PGCKA1: variants seen among roughly 807,000 people sequenced by gnomAD.
PGCKA1 encodes PDCD10 and GCKIII kinases-associated protein 1.
the PGCKA1 span, among the ~76,000 whole-genome samples, chr4:37,542,087 C>G: frequency 6.6e-6 from 1 of 152,160 alleles, no homozygotes; most frequent in Non-Finnish European, 1.5e-5. Flanking sequence ...CAGGCCGGGT[C>G]TCAGATGTTT....
chr4:37,551,231 T>G, the PGCKA1 span, among the ~76,000 whole-genome samples: 56 of 152,322 alleles, frequency 3.7e-4, no homozygotes, highest in African/African-American at 1.3e-3. Flanking sequence ...ACCATCTTTC[T>G]TTTTACTGCC....
chr4:37,575,232 C>G, the PGCKA1 span, among the ~76,000 whole-genome samples: 1 of 141,636 alleles, frequency 7.1e-6, no homozygotes, highest in African/African-American at 3.2e-5. Context: ...TATGAGAGTT[C>G]TCTTCTCCAC....
chr4:37,570,601 C>A, the PGCKA1 span, among the ~76,000 whole-genome samples: 3 of 152,198 alleles, frequency 2.0e-5, no homozygotes, highest in Admixed American at 2.0e-4. Context: ...GTCAGGACCT[C>A]AGTCCCTAGT....
At chr4:37,513,763 G>A in the PGCKA1 span, among the ~76,000 whole-genome samples, 1 of 152,184 alleles carries the variant, frequency 6.6e-6, no homozygotes, top group Non-Finnish European at 1.5e-5. Context: ...TATAATGGTA[G>A]GGTCAGAAAT....
the PGCKA1 span, among the ~76,000 whole-genome samples, chr4:37,545,862 T>C: frequency 2.0e-3 from 308 of 152,378 alleles, 2 homozygotes; most frequent in African/African-American, 7.1e-3. Flanking sequence ...TAATTCCTTC[T>C]TTTATCATAC....
At chr4:37,494,590 G>T in the PGCKA1 span, among the ~76,000 whole-genome samples, 1 of 152,142 alleles carries the variant, frequency 6.6e-6, no homozygotes, top group African/African-American at 2.4e-5. Context: ...GAACATATGT[G>T]TGCATATGTC....
the PGCKA1 span, among the ~76,000 whole-genome samples, chr4:37,582,447 C>G: frequency 6.6e-6 from 1 of 152,144 alleles, no homozygotes; most frequent in African/African-American, 2.4e-5. Context: ...ATCTACAGAC[C>G]TTATTCAGAT....
the PGCKA1 span, among the ~76,000 whole-genome samples, chr4:37,539,438 C>T: frequency 8.6e-4 from 131 of 152,298 alleles, no homozygotes; most frequent in African/African-American, 3.0e-3. Flanking sequence ...GGGCAAATCA[C>T]CTGAGGTCAG....
the PGCKA1 span, among the ~76,000 whole-genome samples, chr4:37,479,830 A>T: frequency 6.6e-6 from 1 of 152,200 alleles, no homozygotes; most frequent in Non-Finnish European, 1.5e-5. Flanking sequence ...TTATAATCAG[A>T]CCTAAACTTA....
At chr4:37,573,766 T>A in the PGCKA1 span, among the ~76,000 whole-genome samples, 1 of 152,240 alleles carries the variant, frequency 6.6e-6, no homozygotes, top group East Asian at 1.9e-4. Context: ...GTAGAATTGC[T>A]GAGTCAGAGA....
the PGCKA1 span, among the ~76,000 whole-genome samples, chr4:37,541,538 C>T: frequency 6.6e-6 from 1 of 152,206 alleles, no homozygotes; most frequent in Admixed American, 6.5e-5. Flanking sequence ...CCTCCCTCTA[C>T]CAGCCTACTC....
chr4:37,569,096 C>CA, the PGCKA1 span, among the ~76,000 whole-genome samples: 3,087 of 146,288 alleles, frequency 0.021, 119 homozygotes, highest in African/African-American at 0.074. Flanking sequence ...GACCCTGTCT[C>CA]AAAAAAAAAG....
At chr4:37,457,749 C>G in the PGCKA1 span, among the ~76,000 whole-genome samples, 3 of 152,198 alleles carry the variant, frequency 2.0e-5, no homozygotes, top group Admixed American at 1.3e-4. Context: ...AGAAGTCCAC[C>G]TGCACCTTCA....
At chr4:37,512,450 A>G in the PGCKA1 span, among the ~76,000 whole-genome samples, 4 of 98,884 alleles carry the variant, frequency 4.0e-5, no homozygotes, top group Non-Finnish European at 8.0e-5. Context: ...GAAAGTGTTG[A>G]TTTCTTTTTT....
At chr4:37,583,965 A>G in the PGCKA1 span, among the ~76,000 whole-genome samples, 1 of 152,218 alleles carries the variant, frequency 6.6e-6, no homozygotes, top group Non-Finnish European at 1.5e-5. Flanking sequence ...CAGCTGATAG[A>G]CTGCTCATTT....
chr4:37,527,564 A>G, the PGCKA1 span, among the ~76,000 whole-genome samples: 1 of 152,030 alleles, frequency 6.6e-6, no homozygotes, highest in Non-Finnish European at 1.5e-5. Flanking sequence ...TCACGCCTGT[A>G]ATCCCAGCAC....
At chr4:37,546,380 T>C in the PGCKA1 span, among the ~76,000 whole-genome samples, 4 of 152,176 alleles carry the variant, frequency 2.6e-5, no homozygotes, top group African/African-American at 9.7e-5. Context: ...ATGTTACCCA[T>C]AGATTTCAGG....
chr4:37,526,116 A>G, the PGCKA1 span, among the ~76,000 whole-genome samples: 2,881 of 152,338 alleles, frequency 0.019, 113 homozygotes, highest in African/African-American at 0.066. Flanking sequence ...CACTAGATGT[A>G]GCGGGAGCTC....
chr4:37,591,438 C>T, the PGCKA1 span: 1 of 154,346 alleles, frequency 6.5e-6, no homozygotes, highest in Non-Finnish European at 1.4e-5. Flanking sequence ...ACATTGTACC[C>T]AACCTGGAAA....
Sources: allele counts gnomAD v4.1 joint callset (sites outside exome capture counted in the v4.1 genomes callset), GRCh38; gene constraint gnomAD v4.1.1; transcripts MANE v1.5; gene names NCBI Gene and HGNC (gene_info 2026-07-23, HGNC 2026-07-21).